ABR: variants seen among roughly 807,000 people sequenced by gnomAD.
The protein encoded by ABR is ABR activator of RhoGEF and GTPase.
ABR carries 35 observed loss-of-function variants against 107.2 expected under a neutral mutation model. The ratio of observed to expected loss-of-function variants is 0.33; its 90% CI spans 0.25 to 0.43. The LOEUF is 0.43. ABR is among the 20% of genes least tolerant of loss of function. The pLI is 1.00. For synonymous variants in ABR, 498 were observed against 462.0 expected (o/e 1.08, Z -1.00); for missense variants, 815 against 1,115.2 (o/e 0.73, Z 3.83).
chr17:1,038,834 C>T (rs1422740098), intron 16 of ABR, among the ~76,000 whole-genome samples: 1 of 152,256 alleles, frequency 6.6e-6, no homozygotes, highest in Non-Finnish European at 1.5e-5. Flanking sequence ...GCATCCTTCT[C>T]TTGAAGCTTT....
intron 14 of ABR, among the ~76,000 whole-genome samples, chr17:1,052,381 G>T (rs1339612468): frequency 3.5e-5 from 5 of 144,478 alleles, no homozygotes; most frequent in African/African-American, 1.3e-4. Context: ...GGAAGGGGCT[G>T]GGGGAGGGCT....
Position 1,149,534 on chromosome 17 carries a change from C to T in ABR, c.62-24167G>A, listed in dbSNP as rs1272697212. 2.0e-5 allele frequency among the ~76,000 whole-genome samples: 3 copies of T among 151,684 alleles called. No individual in the cohort carries two copies. The East Asian group carries it at 5.8e-4, about 29-fold the overall frequency. On this transcript the variant is annotated intron_variant, in intron 1 of 22. Transcript: ENST00000302538. ...CCGGGTTCAAGAGATTCTCCTGTCT[C>T]AGCCTCCCGAGTAGGTGGGATTACA...
rs757002974 is a variant in ABR, at chr17:1,056,026, G to A, written c.1561+9C>T. 2.5e-6 allele frequency: 4 copies of A among 1,613,440 alleles called. No individual in the cohort carries two copies. Among genetic ancestry groups the A allele is most frequent in the South Asian group, 2.2e-5 (2 of 91,080 alleles). On this transcript the variant is annotated intron_variant, in intron 14 of 22. Transcript: ENST00000302538. ...GCCCACCCAACCTCGTCCTGGCCAG[G>A]GCACTTACTGGCTGATTGCTTAAAT...
chr17:1,111,218 C>T (rs2038657295), intron 2 of ABR, among the ~76,000 whole-genome samples: 1 of 152,098 alleles, frequency 6.6e-6, no homozygotes, highest in African/African-American at 2.4e-5. Context: ...TCCCCGTTCC[C>T]CACACCTCTA....
At chr17:1,087,837 C>T (rs1307268892) in intron 4 of ABR, among the ~76,000 whole-genome samples, 5 of 152,178 alleles carry the variant, frequency 3.3e-5, no homozygotes, top group Non-Finnish European at 7.3e-5. Context: ...CGGAGGCCTG[C>T]GTCCAGGGTC....
chr17:1,064,288 T>C (rs369468941), intron 10 of ABR, among the ~76,000 whole-genome samples: 86 of 33,460 alleles, frequency 2.6e-3, no homozygotes, highest in East Asian at 6.6e-3. Context: ...ACTGTTGTTA[T>C]GTGAACTGAG....
intron 1 of ABR, among the ~76,000 whole-genome samples, chr17:1,169,967 T>TG (rs947799097): frequency 2.1e-5 from 3 of 142,368 alleles, no homozygotes; most frequent in South Asian, 2.5e-4. Context: ...TGTGTTTGTA[T>TG]GGGGGGGTGT....
chr17:1,221,830 A>G (rs1248154509), intron 1 of ABR, among the ~76,000 whole-genome samples: 1 of 152,186 alleles, frequency 6.6e-6, no homozygotes, highest in Non-Finnish European at 1.5e-5. Flanking sequence ...AGCATCAGGG[A>G]CCCCAGGGGA....
chr17:1,079,411 G>A (rs1196430651), intron 5 of ABR, 21 bp from the exon 6 acceptor site: 2 of 1,606,920 alleles, frequency 1.2e-6, no homozygotes, highest in Non-Finnish European at 1.7e-6. Flanking sequence ...GAGGAGAGGA[G>A]TCATGGCCTG....
Position 1,050,090 on chromosome 17 carries a change from T to C in ABR, c.1751A>G (p.Asn584Ser), listed in dbSNP as rs758277238. ...YDKTKVNKDN[N>S]EIVDKIMGKG... is the part of the protein sequence containing the mutation. Reference sequence around the variant, plus strand: ...GCCCATGATCTTGTCCACGATCTCATTGTTGTCCTTGTTGACCTTGGTCTT... The same window carrying C: ...GCCCATGATCTTGTCCACGATCTCACTGTTGTCCTTGTTGACCTTGGTCTT... Residue 584 changes from asparagine to serine, a missense_variant, in exon 16 of 23, where the codon AAT (asparagine) becomes AGT (serine). By Grantham distance (46) the Asn-to-Ser change is conservative. Around this residue, in one of 5 missense-constraint regions of ABR, gnomAD observed 92 missense variants for 82.3 expected, o/e 1.12. Transcript: ENST00000302538. This position sits in a 1 kb window ranked among gnomAD's most constrained non-coding sequence, Gnocchi z 4.6. The C allele has an allele frequency of 7.4e-6, 12 of 1,614,018 alleles. No homozygotes were observed. The African/African-American group carries it at 8.0e-5, about 11-fold the overall frequency.
In ABR at chr17:1,091,647, C is replaced by T. The variant is rs889791598; in HGVS notation, c.531+18G>A. The T allele has an allele frequency of 6.2e-7, 1 of 1,608,294 alleles. No individual in the cohort carries two copies. Reference sequence around the variant, plus strand: ...ACTGAGGCCCTGCGTGAGGACCCTCCATCCCTGGCAGACTCACCAGCTTCT... The same window carrying T: ...ACTGAGGCCCTGCGTGAGGACCCTCTATCCCTGGCAGACTCACCAGCTTCT... On this transcript the variant is annotated intron_variant, in intron 4 of 22. Coordinates refer to ENST00000302538, the MANE Select transcript of ABR (RefSeq NM_021962.5).
chr17:1,091,532 C>A lies in ABR; in HGVS notation c.531+133G>T, dbSNP rs567595144. The A allele has an allele frequency of 2.9e-5, 30 of 1,035,682 alleles. No individual in the cohort carries two copies. In the East Asian group the frequency reaches 7.2e-4, roughly 25 times the overall value. The allele number at this position is 1,035,682 out of a possible 1,614,324, so 64.2% of individuals were successfully genotyped here. A position where few individuals can be genotyped will look rare whatever the true frequency, so the allele number is the denominator to read the frequency against. On this transcript the variant is annotated intron_variant, in intron 4 of 22. Coordinates refer to ENST00000302538, the MANE Select transcript of ABR (RefSeq NM_021962.5). ...CCCATAACACACAGGCCCAGGCCTT[C>A]CTCCCGGACTCGGAGAGGTCTCAGG...
At chr17:1,044,519 T>C (rs1347898825) in intron 16 of ABR, among the ~76,000 whole-genome samples, 4 of 151,730 alleles carry the variant, frequency 2.6e-5, no homozygotes. Flanking sequence ...GGCATGGTGG[T>C]GGGCGCCTGT....
In ABR at chr17:1,210,682, C is replaced by T. The variant is rs187124985; in HGVS notation, c.838+18111G>A. ...TGTTTCCTCTCTCTCTGCTTCCTGG[C>T]TCCTAACACAAAAGGATTACTTTAT... On this transcript the variant is annotated intron_variant, in intron 1 of 22. Transcript: ENST00000574139. The surrounding 1 kb of genome is among the most constrained non-coding windows in gnomAD (Gnocchi z 5.6). 7.4e-4 allele frequency among the ~76,000 whole-genome samples: 113 copies of T among 152,340 alleles called. No homozygotes were observed. Among genetic ancestry groups the T allele is most frequent in the Non-Finnish European group, 1.3e-3 (89 of 68,042 alleles).
chr17:1,190,577 T>C (rs949359778), upstream of ABR, among the ~76,000 whole-genome samples: 5 of 151,786 alleles, frequency 3.3e-5, no homozygotes, highest in African/African-American at 1.2e-4. Context: ...GAAGTGGAGG[T>C]TGCAGTGAGC....
chr17:1,138,497 A>T (rs984929828), intron 1 of ABR, among the ~76,000 whole-genome samples: 5 of 151,934 alleles, frequency 3.3e-5, no homozygotes, highest in African/African-American at 1.2e-4. Context: ...TTTTTTTTAG[A>T]GACAGAGTCT....
Position 1,052,373 on chromosome 17 carries a change from A to G in ABR, c.1562-1739T>C, listed in dbSNP as rs528845560. On this transcript the variant is annotated intron_variant, in intron 14 of 22. Transcript: ENST00000302538. ...CACAGGGTCAGAGGGAGGGTTCCGG[A>G]AGGGGCTGGGGGAGGGCTCACAGGG... Among the ~76,000 whole-genome samples the G allele has an allele frequency of 6.4e-3, 868 of 136,598 alleles. 4 individuals carry two copies. The highest frequency in any genetic ancestry group is 0.023 in the African/African-American group (822 of 35,710). The allele number at this position is 136,598 out of a possible 152,430, so 89.6% of individuals were successfully genotyped here.
At chr17:1,132,368 C>T (rs1597924336) in intron 1 of ABR, among the ~76,000 whole-genome samples, 2 of 139,818 alleles carry the variant, frequency 1.4e-5, no homozygotes, top group Non-Finnish European at 3.0e-5. Flanking sequence ...TACTTGAATA[C>T]CGAAAGCACT....
upstream of ABR, among the ~76,000 whole-genome samples, chr17:1,180,067 GCGGGGAGGGA>G (rs2042078771): frequency 6.9e-6 from 1 of 145,654 alleles, no homozygotes; most frequent in African/African-American, 2.7e-5. Context: ...CGGGGGCGGG[GCGGGGAGGGA>G]CCAATCGGCT....
Sources: allele counts gnomAD v4.1 joint callset (sites outside exome capture counted in the v4.1 genomes callset), GRCh38; gene constraint gnomAD v4.1.1; regional missense constraint gnomAD v4.1.1; non-coding constraint Gnocchi (gnomAD v3.1); transcripts MANE v1.5; gene names NCBI Gene and HGNC (gene_info 2026-07-23, HGNC 2026-07-21).